FHIT: variants seen among roughly 807,000 people sequenced by gnomAD.
FHIT encodes bis(5'-adenosyl)-triphosphatase.
In FHIT, 19 loss-of-function variants were observed where a neutral mutation model predicts 17.9. The ratio of observed to expected loss-of-function variants is 1.06; its 90% CI spans 0.74 to 1.56. FHIT has a LOEUF of 1.56. FHIT is among the 40% of genes most tolerant of loss of function. The pLI is 0.00. For synonymous variants in FHIT, 81 were observed against 69.7 expected (o/e 1.16, Z -0.81); for missense variants, 248 against 189.2 (o/e 1.31, Z -1.82).
chr3:60,867,261 C>A (rs1704206900), intron 3 of FHIT, among the ~76,000 whole-genome samples: 2 of 152,152 alleles, frequency 1.3e-5, no homozygotes, highest in African/African-American at 4.8e-5. Flanking sequence ...ATATGGAAAG[C>A]ACTATGGGTA....
At chr3:60,632,222 G>A (rs2039463811) in intron 4 of FHIT, among the ~76,000 whole-genome samples, 1 of 152,158 alleles carries the variant, frequency 6.6e-6, no homozygotes, top group Non-Finnish European at 1.5e-5. Flanking sequence ...GTGGTTAGTG[G>A]TGAAAGAGTA....
chr3:59,752,014 T>C, intron 9 of FHIT: 1 of 445,850 alleles, frequency 2.2e-6, no homozygotes, highest in South Asian at 4.9e-5. Flanking sequence ...AAGAAGAGAG[T>C]GAAGAGGCAG....
intron 2 of FHIT, among the ~76,000 whole-genome samples, chr3:61,047,114 T>C (rs2033827755): frequency 1.3e-5 from 2 of 152,190 alleles, no homozygotes; most frequent in African/African-American, 2.4e-5. Flanking sequence ...ACCAATCCTG[T>C]TGGAAGTTCT....
At chr3:60,552,995 G>A (rs180981) in intron 4 of FHIT, among the ~76,000 whole-genome samples, 7 of 152,300 alleles carry the variant, frequency 4.6e-5, no homozygotes, top group Middle Eastern at 3.4e-3. Context: ...AAGGTATGTA[G>A]AGTGAGTCCT....
rs757001991 is a variant in FHIT at position 60,536,952 on chromosome 3, C to G, written c.11G>C (p.Arg4Thr). The G allele has an allele frequency of 1.6e-5, 25 of 1,610,930 alleles. No individual in the cohort carries two copies. In the Middle Eastern group the frequency reaches 2.3e-3, roughly 149 times the overall value. The change falls in exon 5 of 10, where the codon AGA (arginine) becomes ACA (threonine). Residue 4 changes from arginine to threonine, a missense_variant. Arg to Thr is a moderately conservative substitution (Grantham distance 71). Transcript: ENST00000492590. MSF[R>T]FGQHLIKPSV... ...GGGCTTGATGAGATGTTGGCCAAAT[C>G]TGAACGACATGTCCTCACAGTTGAA...
intron 4 of FHIT, among the ~76,000 whole-genome samples, chr3:60,581,904 T>A (rs2037759790): frequency 6.6e-6 from 1 of 152,082 alleles, no homozygotes; most frequent in South Asian, 2.1e-4. Flanking sequence ...ATCAGTAAAT[T>A]TCCCTGGAGA....
intron 4 of FHIT, among the ~76,000 whole-genome samples, chr3:60,671,189 CT>C (rs1252635593): frequency 6.6e-6 from 1 of 152,142 alleles, no homozygotes; most frequent in Non-Finnish European, 1.5e-5. Context: ...TCAGAATACC[CT>C]TGATAAAAGC....
At position 60,023,717 on chromosome 3, in the gene FHIT, T is replaced by C. The variant is rs145502306; in HGVS notation, c.104-9565A>G. 1.1e-3 allele frequency among the ~76,000 whole-genome samples: 167 copies of C among 152,262 alleles called. 1 individual carries two copies. The East Asian group carries it at 0.031, about 28-fold the overall frequency. On this transcript the variant is annotated intron_variant, in intron 5 of 9. Coordinates refer to ENST00000492590, the MANE Select transcript of FHIT (RefSeq NM_002012.4). ...GGGGTGGTATTTAGCAGATGAAGCC[T>C]CCTTAGAAGAGAGGAAATACTCCTT...
intron 5 of FHIT, among the ~76,000 whole-genome samples, chr3:60,043,224 G>C (rs1701515605): frequency 6.6e-6 from 1 of 152,218 alleles, no homozygotes; most frequent in Non-Finnish European, 1.5e-5. Context: ...ACCTAAGTTA[G>C]CATGGAAGTG....
intron 5 of FHIT, among the ~76,000 whole-genome samples, chr3:60,130,784 G>GTGTGTGTGTGTGTGTGTGT (rs148356992): frequency 9.0e-6 from 1 of 111,628 alleles, no homozygotes; most frequent in Admixed American, 8.9e-5. Context: ...GTGTGTGTGT[G>GTGTGTGTGTGTGTGTGTGT]GTGTGTATAT....
At chr3:60,232,688 T>A (rs1704559012) in intron 5 of FHIT, among the ~76,000 whole-genome samples, 1 of 152,116 alleles carries the variant, frequency 6.6e-6, no homozygotes, top group Admixed American at 6.6e-5. Flanking sequence ...TAAAATCTTA[T>A]CTCCATCTCC....
chr3:60,789,171 T>TAGAG (rs1387164031), intron 4 of FHIT, among the ~76,000 whole-genome samples: 150 of 130,144 alleles, frequency 1.2e-3, no homozygotes, highest in South Asian at 1.8e-3. Flanking sequence ...TATATATATA[T>TAGAG]ATATAGAGAG....
chr3:60,759,373 A>G (rs1266944241), intron 4 of FHIT, among the ~76,000 whole-genome samples: 6 of 152,198 alleles, frequency 3.9e-5, no homozygotes, highest in African/African-American at 1.4e-4. Flanking sequence ...TATCCAAGGG[A>G]ACATGAGTAG....
intron 5 of FHIT, among the ~76,000 whole-genome samples, chr3:60,096,059 G>T (rs1175781999): frequency 6.6e-6 from 1 of 152,170 alleles, no homozygotes; most frequent in Non-Finnish European, 1.5e-5. Context: ...GCAAGCCAGG[G>T]ACCTCTGGCC....
At chr3:61,170,342 G>T (rs781757641) in intron 2 of FHIT, among the ~76,000 whole-genome samples, 2 of 152,214 alleles carry the variant, frequency 1.3e-5, no homozygotes, top group South Asian at 4.2e-4. Context: ...AATAAAATGA[G>T]AAGTTAAAGT....
intron 8 of FHIT, among the ~76,000 whole-genome samples, chr3:59,858,668 G>T (rs923481628): frequency 2.6e-5 from 4 of 152,068 alleles, no homozygotes; most frequent in Admixed American, 6.6e-5. Flanking sequence ...TGCATGGATG[G>T]GGGCAGTGGT....
chr3:60,906,537 G>A (rs1191747600), intron 3 of FHIT, among the ~76,000 whole-genome samples: 3 of 152,282 alleles, frequency 2.0e-5, no homozygotes, highest in Non-Finnish European at 4.4e-5. Context: ...AGGGAGACAG[G>A]GCTTGACTGA....
chr3:61,214,613 T>C (rs1367891250), intron 1 of FHIT, among the ~76,000 whole-genome samples: 3 of 152,072 alleles, frequency 2.0e-5, no homozygotes, highest in Admixed American at 1.3e-4. Flanking sequence ...TCTGAAACTA[T>C]TCCAATCAAT....
At chr3:60,316,707 C>T (rs1191764374) in intron 5 of FHIT, among the ~76,000 whole-genome samples, 5 of 152,198 alleles carry the variant, frequency 3.3e-5, no homozygotes, top group Non-Finnish European at 7.4e-5. Context: ...TTTTTCAAAA[C>T]TGTTCTGTAA....
Sources: gnomAD v4.1 joint callset for allele counts (sites outside exome capture counted in the v4.1 genomes callset) on GRCh38, gnomAD v4.1.1 for gene constraint, MANE v1.5 for transcripts, NCBI Gene and HGNC (gene_info 2026-07-23, HGNC 2026-07-21) for gene names.